The following TTN variants were observed in gnomAD, a reference collection of about 807,000 sequenced individuals.
TTN encodes connectin.
In TTN, 1,525 loss-of-function variants were observed where a neutral mutation model predicts 3,223.0. The ratio of observed to expected loss-of-function variants is 0.47; its 90% CI spans 0.45 to 0.49. The LOEUF is 0.49. TTN is among the 20% of genes least tolerant of loss of function. The pLI, the probability that TTN is intolerant of heterozygous loss-of-function variation, is 0.00. For missense variants in TTN, 40,786 were observed against 43,424.0 expected (o/e 0.94, Z 5.40); for synonymous variants, 14,094 against 15,161.0 (o/e 0.93, Z 5.17).
intron 153 of TTN, 46 bp downstream of exon 153, chr2:178,672,589 C>A (rs756286788): frequency 1.2e-6 from 2 of 1,607,784 alleles, no homozygotes; most frequent in African/African-American, 1.3e-5. Context: ...AAAGTCTTAA[C>A]GAAAAAAGAC....
rs116512523 is a variant in TTN at position 178,612,246 on chromosome 2, A to G, written c.50248+31T>C. On this transcript the variant is annotated intron_variant, in intron 266 of 362. Coordinates refer to ENST00000589042, the MANE Select transcript of TTN (RefSeq NM_001267550.2). ...ACAAAAATTAAGTGCGAGAGCACTT[A>G]TTGTCACAAAGATTAAGTGCAAGAG... The G allele has an allele frequency of 2.1e-4, 336 of 1,607,410 alleles. No homozygotes were observed. In the African/African-American group the frequency reaches 3.9e-3, roughly 18 times the overall value.
rs1334608070 is a variant in TTN, at chr2:178,601,318, C to A, written c.55679G>T (p.Gly18560Val). The change falls in exon 287 of 363, where the codon GGT (glycine) becomes GTT (valine). Residue 18560 changes from glycine to valine, a missense_variant. Gly to Val is a moderately radical substitution (Grantham distance 109, BLOSUM62 -3). Transcript: ENST00000589042. ...FFRVRAENRF[G>V]IGPPVETIQR... is the part of the protein sequence containing the mutation. The stretch of plus-strand genomic sequence containing the variant: ...AATGGTTTCCACAGGTGGGCCAATA[C>A]CAAAACGGTTTTCTGCTCGCACACG... The A allele has an allele frequency of 6.2e-7, 1 of 1,606,638 alleles. No individual in the cohort carries two copies. Among genetic ancestry groups the A allele is most frequent in the Non-Finnish European group, 8.5e-7 (1 of 1,175,358 alleles).
Position 178,775,088 on chromosome 2 carries a change from T to C in TTN, c.6623A>G (p.Tyr2208Cys), listed in dbSNP as rs1186847832. The change falls in exon 29 of 363, where the codon TAT becomes TGT. Residue 2208 changes from tyrosine to cysteine, a missense_variant. Coordinates refer to ENST00000589042, the MANE Select transcript of TTN (RefSeq NM_001267550.2). The stretch of plus-strand genomic sequence containing the variant: ...CTCATGAACCTCCATACCATCTTTA[T>C]ACCATTTCACTTTGACAAATGGTTC... ...TSEPFVKVKWYKDGMEVHEGD... is the reference protein window; with the variant it reads ...TSEPFVKVKWCKDGMEVHEGD... The C allele has an allele frequency of 3.1e-6, 5 of 1,613,956 alleles. No homozygotes were observed. The highest frequency in any genetic ancestry group is 4.2e-6 in the Non-Finnish European group (5 of 1,179,992).
chr2:178,725,342 T>C (rs1157416166), intron 71 of TTN, 26 bp downstream of exon 71: 7 of 1,443,370 alleles, frequency 4.8e-6, no homozygotes, highest in Middle Eastern at 1.8e-4. Context: ...TTGGCACCAG[T>C]TTCTATCGTG....
Position 178,664,880 on chromosome 2 carries a change from G to C in TTN, c.36090C>G (p.Ser12030=). The change falls in exon 166 of 363, where the codon TCC becomes TCG. Residue 12030 remains serine (S), a synonymous_variant. Transcript: ENST00000589042. The part of the protein sequence containing the change: ...QEIIPAKTVP[S]KKREPPSVKV... ...TAACTGATGGGGGTTCTCTTTTTTT[G>C]GAAGGAACTGTCTTGGCAGGAATAA... is the stretch of plus-strand genomic sequence containing the variant. The C allele has an allele frequency of 6.2e-7, 1 of 1,611,010 alleles. No individual in the cohort carries two copies. The highest frequency in any genetic ancestry group is 8.5e-7 in the Non-Finnish European group (1 of 1,179,366).
At chr2:178,734,284 G>A (rs2081052941) in intron 52 of TTN, 44 bp downstream of exon 52, 1 of 1,510,672 alleles carries the variant, frequency 6.6e-7, no homozygotes, top group Admixed American at 2.2e-5. Context: ...AAGAAAGCTA[G>A]TTTGACAATT....
Position 178,784,239 on chromosome 2 carries a change from G to A in TTN, c.2606C>T (p.Thr869Ile). The change falls in exon 16 of 363, where the codon ACT becomes ATT. Residue 869 changes from threonine (T) to isoleucine (I), a missense_variant. Thr to Ile is a moderately conservative substitution (Grantham distance 89). Transcript: ENST00000589042. Reference sequence around the variant, plus strand: ...GGGTGTGGGCTCTGCCCTTACTCTAGTCTCACTGGGCTTCACAGTAGGAGC... The same window carrying A: ...GGGTGTGGGCTCTGCCCTTACTCTAATCTCACTGGGCTTCACAGTAGGAGC... ...VKAPTVKPSE[T>I]RVRAEPTPLP... 1 of 1,614,138 alleles carries A rather than the reference G, an allele frequency of 6.2e-7. No individual in the cohort carries two copies. The highest frequency in any genetic ancestry group is 8.5e-7 in the Non-Finnish European group (1 of 1,179,988).
chr2:178,530,221 G>A lies in TTN; in HGVS notation c.106374+20C>T. 6.4e-7 allele frequency: 1 copy of A among 1,565,586 alleles called. No homozygotes were observed. Among genetic ancestry groups the A allele is most frequent in the Non-Finnish European group, 8.6e-7 (1 of 1,161,164 alleles). On this transcript the variant is annotated intron_variant, in intron 358 of 362. Transcript: ENST00000589042. ...AATATTTTAGAAGATAAAAGAAAGAGACATTTAAGAACTGGTTACCTTTCC... is the reference window on the plus strand; with the variant it reads ...AATATTTTAGAAGATAAAAGAAAGAAACATTTAAGAACTGGTTACCTTTCC...
At chr2:178,619,094 C>T in intron 250 of TTN, 1 of 562,518 alleles carries the variant, frequency 1.8e-6, no homozygotes, top group Non-Finnish European at 3.0e-6. Context: ...ACATGCATTC[C>T]TTGCCAAAAA....
chr2:178,639,958 G>A, intron 222 of TTN, 90 bp downstream of exon 222: 1 of 1,510,850 alleles, frequency 6.6e-7, no homozygotes, highest in Non-Finnish European at 9.1e-7. Flanking sequence ...GATACATACT[G>A]ACTTTCACCT....
rs1417347726 is a variant in TTN, at chr2:178,612,421, C to T, written c.50104G>A (p.Asp16702Asn). The change falls in exon 266 of 363, where the codon GAT (aspartate) becomes AAT (asparagine). Residue 16702 changes from aspartate (D) to asparagine (N), a missense_variant. Asp to Asn is a conservative substitution (Grantham distance 23). Coordinates refer to ENST00000589042, the MANE Select transcript of TTN (RefSeq NM_001267550.2). ...CACTTGGTGTCCTTGACAGTGGTAT[C>T]CACTGTTTGCCAGCCTTTTCGCCTG... ...DVRRKGWQTV[D>N]TTVKDTKCTV... The T allele has an allele frequency of 2.5e-6, 4 of 1,612,378 alleles. No individual in the cohort carries two copies. Among genetic ancestry groups the T allele is most frequent in the Admixed American group, 1.7e-5 (1 of 59,890 alleles).
Position 178,622,755 on chromosome 2 carries a change from T to C in TTN, c.44828A>G (p.Glu14943Gly). 1.2e-6 allele frequency: 2 copies of C among 1,600,978 alleles called. No individual in the cohort carries two copies. The highest frequency in any genetic ancestry group is 1.3e-5 in the African/African-American group (1 of 74,688). Reference sequence around the variant, plus strand: ...AAGGTCGGTGAGTGGTCTTAAGAATTCCACATGAGGAGCTGTAAGAGAATG... The same window carrying C: ...AAGGTCGGTGAGTGGTCTTAAGAATCCCACATGAGGAGCTGTAAGAGAATG... ...CNLNVVPPHV[E>G]FLRPLTDLQV... The change falls in exon 243 of 363, where the codon GAA (glutamate) becomes GGA (glycine). Residue 14943 changes from glutamate (E) to glycine (G), a missense_variant. Coordinates refer to ENST00000589042, the MANE Select transcript of TTN (RefSeq NM_001267550.2).
chr2:178,784,357 T>A lies in TTN; in HGVS notation c.2494-6A>T. On this transcript the variant is annotated splice_polypyrimidine_tract_variant and splice_region_variant and intron_variant, in intron 15 of 362. Coordinates refer to ENST00000589042, the MANE Select transcript of TTN (RefSeq NM_001267550.2). ...GCACTACCGGCTATTGATGCCTACA[T>A]GGAAACAGAGTCAGAAAATAAAGTC... The A allele has an allele frequency of 1.2e-6, 2 of 1,613,974 alleles. No homozygotes were observed. Among genetic ancestry groups the A allele is most frequent in the Non-Finnish European group, 1.7e-6 (2 of 1,179,988 alleles).
rs114622429 is a variant in TTN, at chr2:178,640,789, C to G, written c.40634-159G>C. On this transcript the variant is annotated intron_variant, in intron 220 of 362. Transcript: ENST00000589042. The stretch of plus-strand genomic sequence containing the variant: ...TATTTTATTTTCTTGACTCTGCTTC[C>G]ATTTATTTTTCTTCCTTTTATTCCA... Among the ~76,000 whole-genome samples, 2,207 of 151,868 alleles carry G rather than the reference C, an allele frequency of 0.015. 61 individuals are homozygous for G. The highest frequency in any genetic ancestry group is 0.051 in the African/African-American group (2,105 of 41,462).
In TTN at chr2:178,553,152, A is replaced by G. The variant is rs776857075; in HGVS notation, c.89748T>C (p.Asn29916=). 2 of 1,613,230 alleles carry G rather than the reference A, an allele frequency of 1.2e-6. No homozygotes were observed. Among genetic ancestry groups the G allele is most frequent in the East Asian group, 4.5e-5 (2 of 44,830 alleles). ...TTGAAGACTTAGGTTCACCAACTCCATTTTCTATTGTGAGAATATATTTTC... is the reference window on the plus strand; with the variant it reads ...TTGAAGACTTAGGTTCACCAACTCCGTTTTCTATTGTGAGAATATATTTTC... The part of the protein sequence containing the change: ...DTGKYILTIE[N]GVGEPKSSTV... Residue 29916 remains asparagine, a synonymous_variant, in exon 335 of 363, where the codon AAT becomes AAC. Coordinates refer to ENST00000589042, the MANE Select transcript of TTN (RefSeq NM_001267550.2).
At chr2:178,699,958 G>A (rs567007499) in intron 111 of TTN, among the ~76,000 whole-genome samples, 43 of 150,962 alleles carry the variant, frequency 2.8e-4, no homozygotes, top group African/African-American at 9.8e-4. Flanking sequence ...CTCGTGATCC[G>A]CCCACCTCGG....
In TTN at chr2:178,719,422, T is replaced by G. The variant is rs1164743322; in HGVS notation, c.23968A>C (p.Lys7990Gln). 1.9e-6 allele frequency: 3 copies of G among 1,613,012 alleles called. No homozygotes were observed. The South Asian group carries it at 3.3e-5, about 18-fold the overall frequency. ...AGGATGGCATTCACGTCTTTCAGCTTGCGGATGAAGGAAGGAGGCACAATC... is the reference window on the plus strand; with the variant it reads ...AGGATGGCATTCACGTCTTTCAGCTGGCGGATGAAGGAAGGAGGCACAATC... ...DRIVPPSFIRKLKDVNAILGA... is the reference protein window; with the variant it reads ...DRIVPPSFIRQLKDVNAILGA... The change falls in exon 83 of 363, where the codon AAG (lysine) becomes CAG (glutamine). Residue 7990 changes from lysine to glutamine, a missense_variant. Lys to Gln is a moderately conservative substitution (Grantham distance 53, BLOSUM62 1). Coordinates refer to ENST00000589042, the MANE Select transcript of TTN (RefSeq NM_001267550.2).
At position 178,572,263 on chromosome 2, in the gene TTN, T is replaced by G. The variant is rs1223634839; in HGVS notation, c.73869A>C (p.Ile24623=). 4 of 1,613,280 alleles carry G rather than the reference T, an allele frequency of 2.5e-6. No individual in the cohort carries two copies. Among genetic ancestry groups the G allele is most frequent in the Non-Finnish European group, 3.4e-6 (4 of 1,179,510 alleles). The change falls in exon 326 of 363, where the codon ATA becomes ATC. Residue 24623 remains isoleucine (I), a synonymous_variant. Coordinates refer to ENST00000589042, the MANE Select transcript of TTN (RefSeq NM_001267550.2). The part of the protein sequence containing the change: ...ASERPLPPGK[I]TLMDVTRNSV... The stretch of plus-strand genomic sequence containing the variant: ...TATTTCTTGTGACATCCATCAAAGT[T>G]ATTTTTCCTGGAGGAAGAGGTCGTT...
At position 178,534,384 on chromosome 2, in the gene TTN, T is replaced by C; in HGVS notation, c.102231A>G (p.Ile34077Met). The C allele has an allele frequency of 6.2e-7, 1 of 1,610,672 alleles. No homozygotes were observed. Among genetic ancestry groups the C allele is most frequent in the Non-Finnish European group, 8.5e-7 (1 of 1,179,816 alleles). The change falls in exon 358 of 363, where the codon ATA (isoleucine) becomes ATG (methionine). Residue 34077 changes from isoleucine (I) to methionine (M), a missense_variant. Physicochemically the swap from Ile to Met is conservative, Grantham distance 10. Transcript: ENST00000589042. The part of the protein sequence containing the change: ...ALQHPWLKQK[I>M]ERVSTKVIRT... ...TGATAACTTTAGTACTGACTCTTTC[T>C]ATCTTCTGCTTCAACCATGGGTGCT...
Sources: gnomAD v4.1 joint callset for allele counts (sites outside exome capture counted in the v4.1 genomes callset) on GRCh38, gnomAD v4.1.1 for gene constraint, MANE v1.5 for transcripts, NCBI Gene and HGNC (gene_info 2026-07-23, HGNC 2026-07-21) for gene names.